The following PCDH18 variants were observed in gnomAD, a reference collection of about 807,000 sequenced individuals.
The protein encoded by PCDH18 is protocadherin 18.
PCDH18 carries 38 observed loss-of-function variants against 71.5 expected under a neutral mutation model. That is an observed-to-expected ratio of 0.53 (90% CI 0.41 to 0.70). PCDH18 has a LOEUF of 0.70. PCDH18 is among the 30% of genes least tolerant of loss of function. The probability of loss-of-function intolerance (pLI) is 0.00; values close to 1 mark genes in which losing one functional copy is unlikely to be tolerated. For synonymous variants in PCDH18, 565 were observed against 505.4 expected (o/e 1.12, Z -1.58); for missense variants, 1,334 against 1,384.6 (o/e 0.96, Z 0.58).
intron 3 of PCDH18, 39 bp from the exon 4 acceptor site, chr4:137,521,735 T>G: frequency 1.4e-6 from 2 of 1,450,478 alleles, no homozygotes; most frequent in Non-Finnish European, 1.9e-6. Context: ...ATTATTATAC[T>G]TAGCACGATT....
In PCDH18 at chr4:137,531,414, C is replaced by T; in HGVS notation, c.675G>A (p.Gln225=). 1 of 1,612,992 alleles carries T rather than the reference C, an allele frequency of 6.2e-7. No homozygotes were observed. The highest frequency in any genetic ancestry group is 8.5e-7 in the Non-Finnish European group (1 of 1,179,494). The part of the protein sequence containing the change: ...QLTASDMGVP[Q]RSGSSILKIS... ...TTTTTAGTATGGATGAGCCAGACCT[C>T]TGAGGTACTCCCATGTCTGAGGCAG... Residue 225 remains glutamine (Q), a synonymous_variant, in exon 1 of 4, where the codon CAG becomes CAA. Coordinates refer to ENST00000344876, the MANE Select transcript of PCDH18 (RefSeq NM_019035.5).
chr4:137,532,349 G>A lies in PCDH18; in HGVS notation c.-261C>T, dbSNP rs1731743480. The A allele has an allele frequency of 1.4e-6, 1 of 702,370 alleles. No individual in the cohort carries two copies. Among genetic ancestry groups the A allele is most frequent in the Non-Finnish European group, 2.6e-6 (1 of 384,992 alleles). The allele number at this position is 702,370 out of a possible 1,614,324, so 43.5% of individuals were successfully genotyped here. A position where few individuals can be genotyped will look rare whatever the true frequency, so the allele number is the denominator to read the frequency against. ...TTCCAGGCAGGAGAGTGTCACCTCC[G>A]CGTTTTCTCCCTTGTGTAGTCGGAA... On this transcript the variant is annotated 5_prime_UTR_variant, in exon 1 of 4. Coordinates refer to ENST00000344876, the MANE Select transcript of PCDH18 (RefSeq NM_019035.5).
chr4:137,532,163 G>T lies in PCDH18; in HGVS notation c.-75C>A. On this transcript the variant is annotated 5_prime_UTR_variant, in exon 1 of 4. Transcript: ENST00000344876. ...AATTGCCTCAACTTCCTTTGGCAAC[G>T]TAAAGCTACATTTGGTACTTGAAAC... The T allele has an allele frequency of 2.6e-6, 3 of 1,142,872 alleles. No homozygotes were observed. Among genetic ancestry groups the T allele is most frequent in the South Asian group, 1.2e-5 (1 of 81,840 alleles). The allele number at this position is 1,142,872 out of a possible 1,614,324, so 70.8% of individuals were successfully genotyped here. A position where few individuals can be genotyped will look rare whatever the true frequency, so the allele number is the denominator to read the frequency against.
At position 137,529,912 on chromosome 4, in the gene PCDH18, C is replaced by T. The variant is rs142362425; in HGVS notation, c.2177G>A (p.Arg726His). 5.3e-5 allele frequency: 85 copies of T among 1,613,832 alleles called. No homozygotes were observed. The African/African-American group carries it at 6.0e-4, about 11-fold the overall frequency. Residue 726 changes from arginine (R) to histidine (H), a missense_variant, in exon 1 of 4, where the codon CGC (arginine) becomes CAC (histidine). By Grantham distance (29) the Arg-to-His change is conservative (BLOSUM62 0). Coordinates refer to ENST00000344876, the MANE Select transcript of PCDH18 (RefSeq NM_019035.5). ...ATAGGATCTAGTGTCTTTCTTCTCG[C>T]GGTTACACCTAGTTGCAAATAGCAC... Reference protein sequence around the residue: ...IMVLFATRCNREKKDTRSYNC... With the variant: ...IMVLFATRCNHEKKDTRSYNC...
At position 137,520,995 on chromosome 4, in the gene PCDH18, A is replaced by G. The variant is rs775847233; in HGVS notation, c.*34T>C. 8.2e-6 allele frequency: 12 copies of G among 1,467,252 alleles called. No individual in the cohort carries two copies. Among genetic ancestry groups the G allele is most frequent in the Admixed American group, 6.3e-5 (3 of 47,824 alleles). 90.9% of individuals were successfully genotyped at this position (1,467,252 alleles called of 1,614,324 possible). The stretch of plus-strand genomic sequence containing the variant: ...TGTTGTTGTTGTTCCCTATTTCCAT[A>G]TACATGGAAACAAAAATGCTTCGCT... On this transcript the variant is annotated 3_prime_UTR_variant, in exon 4 of 4. Transcript: ENST00000344876.
rs765751721 is a variant in PCDH18 at position 137,521,186 on chromosome 4, T to C, written c.3251A>G (p.Lys1084Arg). ...GATCTCCTCCATGGCTGGCAGCCAT[T>C]TTGAAGAAGGCTGCACACTGGAGTG... Reference protein sequence around the residue: ...GTHSSVQPSSKWLPAMEEIPE... With the variant: ...GTHSSVQPSSRWLPAMEEIPE... The change falls in exon 4 of 4, where the codon AAA becomes AGA. Residue 1084 changes from lysine (K) to arginine (R), a missense_variant. This residue lies in a region of PCDH18 where 319 missense variants were observed against 316.3 expected (regional missense o/e 1.01). Coordinates refer to ENST00000344876, the MANE Select transcript of PCDH18 (RefSeq NM_019035.5). 2 of 1,614,156 alleles carry C rather than the reference T, an allele frequency of 1.2e-6. No individual in the cohort carries two copies. Among genetic ancestry groups the C allele is most frequent in the South Asian group, 2.2e-5 (2 of 91,074 alleles).
At position 137,530,204 on chromosome 4, in the gene PCDH18, A is replaced by G. The variant is rs1272773646; in HGVS notation, c.1885T>C (p.Phe629Leu). 2.5e-6 allele frequency: 4 copies of G among 1,613,752 alleles called. No individual in the cohort carries two copies. Among genetic ancestry groups the G allele is most frequent in the Non-Finnish European group, 2.5e-6 (3 of 1,179,866 alleles). Residue 629 changes from phenylalanine to leucine, a missense_variant, in exon 1 of 4, where the codon TTC (phenylalanine) becomes CTC (leucine). Physicochemically the swap from Phe to Leu is conservative, Grantham distance 22 (BLOSUM62 0). Coordinates refer to ENST00000344876, the MANE Select transcript of PCDH18 (RefSeq NM_019035.5). Reference sequence around the variant, plus strand: ...TCACATGATCGTGGATCAATTATGAAGATATTCTCCTCATTACCTGCTACT... The same window carrying G: ...TCACATGATCGTGGATCAATTATGAGGATATTCTCCTCATTACCTGCTACT... Reference protein sequence around the residue: ...AIVAGNEENIFIIDPRSCDIH... With the variant: ...AIVAGNEENILIIDPRSCDIH...
intron 3 of PCDH18, among the ~76,000 whole-genome samples, chr4:137,524,428 G>A (rs1285847606): frequency 1.3e-5 from 2 of 152,142 alleles, no homozygotes; most frequent in Admixed American, 6.5e-5. Context: ...GTAAAGTGTA[G>A]CAAGTGACAT....
chr4:137,520,240 A>G lies in PCDH18; in HGVS notation c.*789T>C, dbSNP rs1235207251. ...ATTTCCTTGGAGCATGTTTCATACT[A>G]CAAGGATGGAATAAAATTTATTGTT... is the stretch of plus-strand genomic sequence containing the variant. On this transcript the variant is annotated 3_prime_UTR_variant, in exon 4 of 4. Coordinates refer to ENST00000344876, the MANE Select transcript of PCDH18 (RefSeq NM_019035.5). 1.3e-5 allele frequency: 2 copies of G among 152,572 alleles called. No homozygotes were observed. Among genetic ancestry groups the G allele is most frequent in the Non-Finnish European group, 2.9e-5 (2 of 68,032 alleles). The allele number at this position is 152,572 out of a possible 1,614,324, so 9.5% of individuals were successfully genotyped here.
rs745943973 is a variant in PCDH18, at chr4:137,532,260, C to G, written c.-172G>C. On this transcript the variant is annotated 5_prime_UTR_variant, in exon 1 of 4. Transcript: ENST00000344876. ...AACTTTTGTTTTATACACACCGTGT[C>G]ACGACTTCCAGATACCTTCGGCATG... The G allele has an allele frequency of 2.8e-6, 2 of 708,840 alleles. No individual in the cohort carries two copies. Among genetic ancestry groups the G allele is most frequent in the South Asian group, 2.9e-5 (2 of 68,342 alleles). The allele number at this position is 708,840 out of a possible 1,614,324, so 43.9% of individuals were successfully genotyped here. A position where few individuals can be genotyped will look rare whatever the true frequency, so the allele number is the denominator to read the frequency against.
rs1731248133 is a variant in PCDH18, at chr4:137,520,172, G to A, written c.*857C>T. The A allele has an allele frequency of 6.6e-6, 1 of 152,586 alleles. No individual in the cohort carries two copies. The highest frequency in any genetic ancestry group is 2.1e-4 in the South Asian group (1 of 4,828). 9.5% of individuals were successfully genotyped at this position (152,586 alleles called of 1,614,324 possible). On this transcript the variant is annotated 3_prime_UTR_variant, in exon 4 of 4. Coordinates refer to ENST00000344876, the MANE Select transcript of PCDH18 (RefSeq NM_019035.5). ...CTGTTTTTATCCAGTAATATTTTAT[G>A]CCATTAGAACACATACTGTTATCCA...
In PCDH18 at chr4:137,531,130, T is replaced by C; in HGVS notation, c.959A>G (p.Tyr320Cys). The change falls in exon 1 of 4, where the codon TAT (tyrosine) becomes TGT (cysteine). Residue 320 changes from tyrosine (Y) to cysteine (C), a missense_variant. By Grantham distance (194) the Tyr-to-Cys change is radical. Coordinates refer to ENST00000344876, the MANE Select transcript of PCDH18 (RefSeq NM_019035.5). ...ATCTTGAGCCTGAACATCAATCTCATAGGATTTGGTGATTTCATAATCCAC... is the reference window on the plus strand; with the variant it reads ...ATCTTGAGCCTGAACATCAATCTCACAGGATTTGGTGATTTCATAATCCAC... ...KQVDYEITKSYEIDVQAQDLG... is the reference protein window; with the variant it reads ...KQVDYEITKSCEIDVQAQDLG... The C allele has an allele frequency of 6.2e-7, 1 of 1,613,870 alleles. No individual in the cohort carries two copies. Among genetic ancestry groups the C allele is most frequent in the Non-Finnish European group, 8.5e-7 (1 of 1,179,784 alleles).
intron 3 of PCDH18, among the ~76,000 whole-genome samples, chr4:137,526,161 A>G (rs1318759214): frequency 6.6e-6 from 1 of 151,954 alleles, no homozygotes; most frequent in Non-Finnish European, 1.5e-5. Flanking sequence ...ACCTAAAAAA[A>G]ACTTTATAAT....
At chr4:137,525,877 G>A (rs1023426866) in intron 3 of PCDH18, among the ~76,000 whole-genome samples, 13 of 151,892 alleles carry the variant, frequency 8.6e-5, no homozygotes, top group African/African-American at 3.1e-4. Context: ...CATGTTAAGT[G>A]GAATTATTAA....
At chr4:137,522,932 A>G (rs1284900468) in intron 3 of PCDH18, among the ~76,000 whole-genome samples, 1 of 152,190 alleles carries the variant, frequency 6.6e-6, no homozygotes, top group African/African-American at 2.4e-5. Flanking sequence ...TTCTGAAAAA[A>G]AAGAAGTAAT....
In PCDH18 at chr4:137,529,716, G is replaced by A. The variant is rs142303408; in HGVS notation, c.2373C>T (p.Gly791=). Residue 791 remains glycine (G), a synonymous_variant, in exon 1 of 4, where the codon GGC becomes GGT. Transcript: ENST00000344876. The part of the protein sequence containing the change: ...SSPTLERGQM[G]SRQSHNSHQS... Reference sequence around the variant, plus strand: ...GGTGACTGTTGTGACTCTGCCGGCTGCCCATCTGCCCTCTTTCTAAGGTAG... The same window carrying A: ...GGTGACTGTTGTGACTCTGCCGGCTACCCATCTGCCCTCTTTCTAAGGTAG... 41 of 1,613,710 alleles carry A rather than the reference G, an allele frequency of 2.5e-5. No homozygotes were observed. Among genetic ancestry groups the A allele is most frequent in the Admixed American group, 6.7e-5 (4 of 59,976 alleles).
chr4:137,527,036 G>A (rs557357363), intron 3 of PCDH18, among the ~76,000 whole-genome samples: 57 of 151,784 alleles, frequency 3.8e-4, no homozygotes, highest in African/African-American at 1.4e-3. Flanking sequence ...CTTAGGAGAG[G>A]CAGTGCAGGT....
chr4:137,524,919 C>T (rs540529376), intron 3 of PCDH18, among the ~76,000 whole-genome samples: 1 of 152,166 alleles, frequency 6.6e-6, no homozygotes, highest in Admixed American at 6.5e-5. Context: ...CTAAACCTGT[C>T]ATGGAAGAAA....
At position 137,529,961 on chromosome 4, in the gene PCDH18, A is replaced by T; in HGVS notation, c.2128T>A (p.Cys710Ser). ...MIIIISLGAI[C>S]AVLLVIMVLF... Reference sequence around the variant, plus strand: ...ACCATAATAACCAGCAACACTGCACAAATTGCTCCTAAGGAAATAATTATT... The same window carrying T: ...ACCATAATAACCAGCAACACTGCACTAATTGCTCCTAAGGAAATAATTATT... The change falls in exon 1 of 4, where the codon TGT becomes AGT. Residue 710 changes from cysteine (C) to serine (S), a missense_variant. Around this residue, in one of 3 missense-constraint regions of PCDH18, gnomAD observed 1,011 missense variants for 1,048.0 expected, o/e 0.96. Coordinates refer to ENST00000344876, the MANE Select transcript of PCDH18 (RefSeq NM_019035.5). 2 of 1,613,794 alleles carry T rather than the reference A, an allele frequency of 1.2e-6. No homozygotes were observed. The highest frequency in any genetic ancestry group is 1.7e-6 in the Non-Finnish European group (2 of 1,179,760).
Sources: allele counts gnomAD v4.1 joint callset (sites outside exome capture counted in the v4.1 genomes callset), GRCh38; gene constraint gnomAD v4.1.1; regional missense constraint gnomAD v4.1.1; transcripts MANE v1.5; gene names NCBI Gene and HGNC (gene_info 2026-07-23, HGNC 2026-07-21).